EIF2D: variants seen among roughly 807,000 people sequenced by gnomAD.
EIF2D encodes the protein hepatocellular carcinoma-associated antigen 56.
Under a neutral mutation model 77.4 loss-of-function variants are expected in EIF2D, and 56 were observed. The ratio of observed to expected loss-of-function variants is 0.72; its 90% CI spans 0.58 to 0.90. The LOEUF is 0.90. EIF2D is among the 40% of genes least tolerant of loss of function. EIF2D has a pLI of 0.00. For missense variants in EIF2D, 574 were observed against 706.5 expected (o/e 0.81, Z 2.13); for synonymous variants, 230 against 271.0 (o/e 0.85, Z 1.49).
At chr1:206,602,913 A>C (rs781947148) in intron 6 of EIF2D, 38 bp downstream of exon 6, 2 of 1,604,220 alleles carry the variant, frequency 1.2e-6, no homozygotes, top group South Asian at 1.1e-5. Flanking sequence ...CTAAATTGAG[A>C]GGTGGGGAGA....
At chr1:206,603,398 T>C (rs1449255571) in intron 5 of EIF2D, 194 bp from the exon 6 acceptor site, 1 of 614,574 alleles carries the variant, frequency 1.6e-6, no homozygotes, top group Admixed American at 3.1e-5. Context: ...CATGCCTCAG[T>C]TTCTTCATCT....
intron 4 of EIF2D, among the ~76,000 whole-genome samples, chr1:206,573,409 T>A (rs1668521960): frequency 6.6e-6 from 1 of 152,210 alleles, no homozygotes. Context: ...CTGCAGGTAT[T>A]TACTGAATCT....
intron 5 of EIF2D, chr1:206,603,613 G>A (rs12077649): frequency 0.086 from 14,586 of 169,248 alleles, 801 homozygotes; most frequent in African/African-American, 0.15. Flanking sequence ...TATCTGTTTG[G>A]TGAAATGCAA....
At chr1:206,607,974 A>AAAAATAAAAT (rs138378401) in intron 4 of EIF2D, among the ~76,000 whole-genome samples, 36 of 151,684 alleles carry the variant, frequency 2.4e-4, no homozygotes, top group African/African-American at 3.9e-4. Flanking sequence ...TGTAAATCTA[A>AAAAATAAAAT]AAAATAAAAT....
At chr1:206,576,011 G>T (rs1160209098) in intron 4 of EIF2D, among the ~76,000 whole-genome samples, 2 of 152,192 alleles carry the variant, frequency 1.3e-5, no homozygotes, top group African/African-American at 4.8e-5. Flanking sequence ...CAATCAACAG[G>T]TATTTATCTG....
chr1:206,599,560 C>T lies in EIF2D; in HGVS notation c.1105G>A (p.Glu369Lys). ...TGATAGGGCTGTTCCCTGCTACCCT[C>T]CTGGATAGTCTGGGAGGTCGGGGAG... Reference protein sequence around the residue: ...EPSPTSQTIQEGSREQPYHPP... With the variant: ...EPSPTSQTIQKGSREQPYHPP... The change falls in exon 10 of 15, where the codon GAG becomes AAG. Residue 369 changes from glutamate (E) to lysine (K), a missense_variant. Physicochemically the swap from Glu to Lys is moderately conservative, Grantham distance 56. Coordinates refer to ENST00000271764, the MANE Select transcript of EIF2D (RefSeq NM_006893.3). The surrounding 1 kb of genome is among the most constrained non-coding windows in gnomAD (Gnocchi z 4.1). 3 of 1,608,810 alleles carry T rather than the reference C, an allele frequency of 1.9e-6. No homozygotes were observed. Among genetic ancestry groups the T allele is most frequent in the Non-Finnish European group, 2.5e-6 (3 of 1,177,474 alleles).
chr1:206,582,583 C>T (rs1668936972), intron 2 of EIF2D, among the ~76,000 whole-genome samples: 1 of 152,180 alleles, frequency 6.6e-6, no homozygotes, highest in African/African-American at 2.4e-5. Flanking sequence ...GTCCCTGTGC[C>T]CAGTAGCGGT....
chr1:206,577,002 G>T (rs1333425122), intron 4 of EIF2D, among the ~76,000 whole-genome samples: 62 of 151,432 alleles, frequency 4.1e-4, no homozygotes, highest in South Asian at 4.2e-4. Flanking sequence ...GTAGAGACAG[G>T]GTCTCACTAT....
At chr1:206,611,114 A>C in intron 2 of EIF2D, 70 bp downstream of exon 2, 2 of 1,423,446 alleles carry the variant, frequency 1.4e-6, no homozygotes, top group South Asian at 2.8e-5. Context: ...ACAATGGAAG[A>C]AACAGAGAGA....
At chr1:206,606,956 C>T (rs933700779) in intron 4 of EIF2D, among the ~76,000 whole-genome samples, 4 of 152,178 alleles carry the variant, frequency 2.6e-5, no homozygotes, top group Admixed American at 1.3e-4. Context: ...ACATGATCTT[C>T]AACCTAACAA....
intron 5 of EIF2D, among the ~76,000 whole-genome samples, chr1:206,603,737 C>T (rs1670047205): frequency 6.6e-6 from 1 of 152,166 alleles, no homozygotes; most frequent in African/African-American, 2.4e-5. Context: ...GCAGAGATTG[C>T]CATGGTTTTA....
At chr1:206,611,445 A>G in intron 1 of EIF2D, 71 bp from the exon 2 acceptor site, 2 of 1,351,598 alleles carry the variant, frequency 1.5e-6, no homozygotes, top group Non-Finnish European at 2.0e-6. Flanking sequence ...AACGAACTCA[A>G]AAGTGCTCAC....
At chr1:206,594,413 A>C (rs555464004) in intron 13 of EIF2D, 5 of 152,370 alleles carry the variant, frequency 3.3e-5, no homozygotes, top group African/African-American at 1.2e-4. Context: ...TGTGACTTTG[A>C]GATAAAAAAG....
In EIF2D at chr1:206,603,031, T is replaced by C; in HGVS notation, c.704A>G (p.Asp235Gly). 6.2e-7 allele frequency: 1 copy of C among 1,614,166 alleles called. No individual in the cohort carries two copies. The highest frequency in any genetic ancestry group is 8.5e-7 in the Non-Finnish European group (1 of 1,180,028). ...ENGEVHQARE[D>G]KSLSEAPEDT... ...TTCTGGGGCTTCTGAGAGAGACTTGTCTTCACGTGCCTGGTGAACCTCCCC... is the reference window on the plus strand; with the variant it reads ...TTCTGGGGCTTCTGAGAGAGACTTGCCTTCACGTGCCTGGTGAACCTCCCC... Residue 235 changes from aspartate to glycine, a missense_variant, in exon 6 of 15, where the codon GAC (aspartate) becomes GGC (glycine). Transcript: ENST00000271764.
chr1:206,585,196 C>G (rs1553407347), intron 2 of EIF2D: 7 of 1,613,960 alleles, frequency 4.3e-6, no homozygotes, highest in Non-Finnish European at 5.1e-6. Flanking sequence ...TCCAGAAACT[C>G]TCCATTGCTG....
Position 206,605,519 on chromosome 1 carries a change from G to T in EIF2D, c.423-12C>A, listed in dbSNP as rs782361647. On this transcript the variant is annotated splice_polypyrimidine_tract_variant and intron_variant, in intron 4 of 14. Transcript: ENST00000271764. ...TGGCTACAGGGGCTCTAAGAAGAAG[G>T]AAGCCAGAGACCAGGGTCATGGAAA... The T allele has an allele frequency of 1.2e-6, 2 of 1,609,688 alleles. No individual in the cohort carries two copies. The highest frequency in any genetic ancestry group is 1.7e-5 in the Admixed American group (1 of 59,920).
chr1:206,576,746 C>T (rs1668673405), intron 4 of EIF2D, among the ~76,000 whole-genome samples: 1 of 152,188 alleles, frequency 6.6e-6, no homozygotes, highest in Non-Finnish European at 1.5e-5. Context: ...AGGCAGGAGA[C>T]TCTGCACAAA....
Position 206,584,817 on chromosome 1 carries a change from G to A in EIF2D, c.139-3655C>T, listed in dbSNP as rs1400651232. On this transcript the variant is annotated intron_variant and NMD_transcript_variant, in intron 2 of 5. Transcript: ENST00000472709. The surrounding 1 kb of genome is among the most constrained non-coding windows in gnomAD (Gnocchi z 4.9). ...GCACCAGGGGTCCAGCTGCCCATGT[G>A]GTGTTCAGATCTGTGGAATCCGGGC... The A allele has an allele frequency of 3.2e-6, 3 of 940,810 alleles. No individual in the cohort carries two copies. The highest frequency in any genetic ancestry group is 4.6e-5 in the Admixed American group (2 of 43,286). The allele number at this position is 940,810 out of a possible 1,614,324, so 58.3% of individuals were successfully genotyped here.
At chr1:206,570,005 T>C (rs2103550555), downstream of EIF2D, among the ~76,000 whole-genome samples, 1 of 151,840 alleles carries the variant, frequency 6.6e-6, no homozygotes, top group Admixed American at 6.6e-5. Flanking sequence ...AACCAGCCAG[T>C]GACATGGCCT....
Sources: allele counts gnomAD v4.1 joint callset (sites outside exome capture counted in the v4.1 genomes callset), GRCh38; gene constraint gnomAD v4.1.1; non-coding constraint Gnocchi (gnomAD v3.1); transcripts MANE v1.5; gene names NCBI Gene and HGNC (gene_info 2026-07-23, HGNC 2026-07-21).